The following TCF20 variants were observed in gnomAD, a reference collection of about 807,000 sequenced individuals.
TCF20 encodes the protein SPRE-binding protein.
A neutral mutation model predicts 148.6 loss-of-function variants in TCF20; 3 were observed. That is an observed-to-expected ratio of 0.02 (90% CI 0.01 to 0.05). The LOEUF is 0.05. Ranked by LOEUF, TCF20 falls within the 10% of genes least tolerant of loss-of-function variation. The pLI, the probability that TCF20 is intolerant of heterozygous loss-of-function variation, is 1.00. For synonymous variants in TCF20, 1,049 were observed against 909.5 expected, an observed-to-expected ratio of 1.15 and a Z score of -2.76; for missense variants, 2,350 against 2,429.3, an observed-to-expected ratio of 0.97 and a Z score of 0.69.
Position 42,335,291 on chromosome 22 carries a change from T to C in TCF20, c.-37+8188A>G, listed in dbSNP as rs114622311. Among the ~76,000 whole-genome samples the C allele has an allele frequency of 4.8e-3, 736 of 152,200 alleles. 8 individuals are homozygous for C. Among genetic ancestry groups the C allele is most frequent in the Middle Eastern group, 0.024 (7 of 294 alleles). On this transcript the variant is annotated intron_variant, in intron 1 of 1. Coordinates refer to the TCF20 transcript ENST00000515426. ...ATAAAGGCTCCCTGGCCACCCTGCC[T>C]CTATCAGCACCCCCTGCACCTCCCA...
chr22:42,315,687 A>T (rs918507526), intron 1 of TCF20, among the ~76,000 whole-genome samples: 1 of 152,154 alleles, frequency 6.6e-6, no homozygotes, highest in African/African-American at 2.4e-5. Flanking sequence ...TAAGACATCT[A>T]CCATCCTGGG....
intron 1 of TCF20, among the ~76,000 whole-genome samples, chr22:42,282,891 C>T (rs1926935898): frequency 1.1e-5 from 1 of 89,518 alleles, no homozygotes; most frequent in South Asian, 4.4e-4. Flanking sequence ...AAAGGGAGGG[C>T]CAAATAAAGC....
intron 3 of TCF20, among the ~76,000 whole-genome samples, chr22:42,174,794 G>C (rs1315854426): frequency 6.6e-6 from 1 of 151,940 alleles, no homozygotes; most frequent in East Asian, 1.9e-4. Context: ...CCAGCACTTT[G>C]GGGGGCCAAG....
At chr22:42,266,993 G>A (rs1318284610) in intron 1 of TCF20, among the ~76,000 whole-genome samples, 1 of 152,172 alleles carries the variant, frequency 6.6e-6, no homozygotes, top group East Asian at 1.9e-4. Flanking sequence ...TAATAGGCCG[G>A]GCACGGTGGC....
At chr22:42,221,739 G>GTTTTTTTTTTTTTTTTTTTTTTTT (rs59283483) in intron 1 of TCF20, among the ~76,000 whole-genome samples, 2 of 92,820 alleles carry the variant, frequency 2.2e-5, no homozygotes, top group African/African-American at 1.0e-4. Context: ...ATGGCAAAGG[G>GTTTTTTTTTTTTTTTTTTTTTTTT]TTTTTTTTTT....
At chr22:42,240,693 T>C (rs1186430761) in intron 1 of TCF20, among the ~76,000 whole-genome samples, 1 of 152,094 alleles carries the variant, frequency 6.6e-6, no homozygotes, top group Non-Finnish European at 1.5e-5. Flanking sequence ...GGAGATAACT[T>C]ATAACTCATA....
chr22:42,218,172 A>T (rs1400752185), intron 1 of TCF20, among the ~76,000 whole-genome samples: 2 of 152,230 alleles, frequency 1.3e-5, no homozygotes, highest in South Asian at 4.1e-4. Context: ...TTTACAGATG[A>T]GGAAACAGAA....
intron 3 of TCF20, among the ~76,000 whole-genome samples, chr22:42,177,096 A>T (rs939606872): frequency 6.6e-6 from 1 of 152,120 alleles, no homozygotes; most frequent in African/African-American, 2.4e-5. Flanking sequence ...TGAGCACCCC[A>T]TATCTACAAT....
rs1361587710 is a variant in TCF20 at position 42,297,113 on chromosome 22, C to T, written c.-37+46366G>A. Among the ~76,000 whole-genome samples, 1 of 152,188 alleles carries T rather than the reference C, an allele frequency of 6.6e-6. No homozygotes were observed. Among genetic ancestry groups the T allele is most frequent in the Non-Finnish European group, 1.5e-5 (1 of 68,022 alleles). On this transcript the variant is annotated intron_variant, in intron 1 of 1. Transcript: ENST00000515426. The surrounding 1 kb of genome is among the most constrained non-coding windows in gnomAD (Gnocchi z 4.3). ...TTGGGCCCCAGAACCTGTGTCCCAA[C>T]CCCTATGCACTACTGGTTCAGGCAG...
chr22:42,252,038 G>A (rs1016383636), intron 1 of TCF20, among the ~76,000 whole-genome samples: 4 of 151,262 alleles, frequency 2.6e-5, no homozygotes, highest in Admixed American at 2.0e-4. Flanking sequence ...ACCCTGCCAA[G>A]GTGGGCAGAT....
intron 2 of TCF20, among the ~76,000 whole-genome samples, chr22:42,188,322 C>CAAAAAAAAAAAAA (rs1937154486): frequency 4.0e-5 from 2 of 50,006 alleles, no homozygotes; most frequent in East Asian, 3.6e-4. Flanking sequence ...AAAAAAAAAT[C>CAAAAAAAAAAAAA]CAGATTCTCA....
intron 3 of TCF20, among the ~76,000 whole-genome samples, chr22:42,171,729 G>C (rs1447186286): frequency 6.6e-6 from 1 of 152,226 alleles, no homozygotes; most frequent in Non-Finnish European, 1.5e-5. Context: ...TGGAGCTCAG[G>C]GGATATGCTC....
intron 3 of TCF20, among the ~76,000 whole-genome samples, chr22:42,171,585 C>A (rs752643778): frequency 2.0e-5 from 3 of 152,160 alleles, no homozygotes; most frequent in African/African-American, 7.2e-5. Flanking sequence ...AACCTCCAAG[C>A]CCCTCCCCCA....
intron 1 of TCF20, among the ~76,000 whole-genome samples, chr22:42,265,192 T>C (rs566437879): frequency 6.6e-6 from 1 of 152,344 alleles, no homozygotes; most frequent in East Asian, 1.9e-4. Context: ...CCATACCACA[T>C]GTACCAAGGG....
At chr22:42,219,031 C>T (rs1922080534) in intron 1 of TCF20, among the ~76,000 whole-genome samples, 1 of 151,942 alleles carries the variant, frequency 6.6e-6, no homozygotes, top group Non-Finnish European at 1.5e-5. Context: ...GCCAAGTAAA[C>T]CAATTAAGAA....
At chr22:42,258,046 G>C (rs1350500980) in intron 1 of TCF20, among the ~76,000 whole-genome samples, 1 of 152,110 alleles carries the variant, frequency 6.6e-6, no homozygotes, top group Non-Finnish European at 1.5e-5. Context: ...CCAGACACAA[G>C]GCACAAAAAG....
chr22:42,243,530 A>C (rs1457591404), intron 1 of TCF20, among the ~76,000 whole-genome samples: 1 of 152,056 alleles, frequency 6.6e-6, no homozygotes, highest in Non-Finnish European at 1.5e-5. Context: ...TGAACCCTGG[A>C]GGTGGAGGTT....
chr22:42,248,266 T>C (rs1050101941), intron 1 of TCF20, among the ~76,000 whole-genome samples: 3 of 152,206 alleles, frequency 2.0e-5, no homozygotes, highest in African/African-American at 7.2e-5. Context: ...TTACAAAGTA[T>C]ACATTTTACA....
At chr22:42,234,006 C>A (rs1044000126) in intron 1 of TCF20, among the ~76,000 whole-genome samples, 8 of 152,190 alleles carry the variant, frequency 5.3e-5, no homozygotes, top group African/African-American at 1.9e-4. Flanking sequence ...AAAGAAAGCA[C>A]TTAAGTTTAG....
Sources: gnomAD v4.1 joint callset for allele counts (sites outside exome capture counted in the v4.1 genomes callset) on GRCh38, gnomAD v4.1.1 for gene constraint, Gnocchi (gnomAD v3.1) non-coding constraint, MANE v1.5 for transcripts, NCBI Gene and HGNC (gene_info 2026-07-23, HGNC 2026-07-21) for gene names.